The following ASIC2 variants were observed in gnomAD, a reference collection of about 807,000 sequenced individuals.
The protein encoded by ASIC2 is acid-sensing ion channel 2.
A neutral mutation model predicts 57.3 loss-of-function variants in ASIC2; 25 were observed. The observed-to-expected ratio is 0.44, with a 90% CI of 0.32 to 0.61. The LOEUF (loss-of-function observed/expected upper bound fraction) is 0.61, where lower values mean the gene tolerates loss of function less well. Among genes scored for constraint, ASIC2 ranks in the 20% least tolerant of loss-of-function variants. ASIC2 has a pLI of 0.06. For synonymous variants in ASIC2, 319 were observed against 307.5 expected (o/e 1.04, Z -0.39); for missense variants, 641 against 738.1 (o/e 0.87, Z 1.52).
intron 1 of ASIC2, among the ~76,000 whole-genome samples, chr17:33,445,579 C>A (rs1911983700): frequency 6.6e-6 from 1 of 151,624 alleles, no homozygotes; most frequent in South Asian, 2.1e-4. Flanking sequence ...AGGTGGATCC[C>A]CTGAGATCGG....
chr17:34,130,249 C>G (rs929847152), intron 1 of ASIC2, among the ~76,000 whole-genome samples: 2 of 100,666 alleles, frequency 2.0e-5, no homozygotes, highest in Non-Finnish European at 4.7e-5. Flanking sequence ...CAGCAAAGCT[C>G]CTTAAACCCT....
At chr17:33,429,393 CT>C (rs897871808) in intron 1 of ASIC2, among the ~76,000 whole-genome samples, 1 of 151,694 alleles carries the variant, frequency 6.6e-6, no homozygotes, top group African/African-American at 2.4e-5. Context: ...TTTGTTTTGT[CT>C]TTTTTTGTTT....
At chr17:33,368,499 G>A (rs1036299314) in intron 1 of ASIC2, among the ~76,000 whole-genome samples, 1 of 152,184 alleles carries the variant, frequency 6.6e-6, no homozygotes, top group Admixed American at 6.5e-5. Context: ...CCCAAAGAGG[G>A]CATGAGTTTA....
chr17:33,679,833 GA>G (rs202172641), intron 1 of ASIC2, among the ~76,000 whole-genome samples: 1 of 151,762 alleles, frequency 6.6e-6, no homozygotes, highest in East Asian at 1.9e-4. Flanking sequence ...GAAGGTCACG[GA>G]AAAAAAACAG....
intron 1 of ASIC2, among the ~76,000 whole-genome samples, chr17:33,171,420 C>T (rs1246410045): frequency 6.6e-6 from 1 of 152,216 alleles, no homozygotes; most frequent in Non-Finnish European, 1.5e-5. Context: ...AGCCATCACA[C>T]ATCCAGTTGC....
intron 1 of ASIC2, among the ~76,000 whole-genome samples, chr17:34,044,267 C>G (rs1279985892): frequency 6.6e-6 from 1 of 152,022 alleles, no homozygotes; most frequent in Non-Finnish European, 1.5e-5. Context: ...AATTGCTTAG[C>G]GTAATTATAT....
intron 1 of ASIC2, among the ~76,000 whole-genome samples, chr17:33,584,264 G>T (rs1057342359): frequency 6.6e-6 from 1 of 152,136 alleles, no homozygotes; most frequent in East Asian, 1.9e-4. Flanking sequence ...CATGGAGAGG[G>T]TGACATGTGT....
chr17:33,025,917 A>G lies in ASIC2; in HGVS notation c.1195+9T>C, dbSNP rs753445034. On this transcript the variant is annotated intron_variant, in intron 5 of 9. Coordinates refer to ENST00000225823, the MANE Select transcript of ASIC2 (RefSeq NM_183377.2). Reference sequence around the variant, plus strand: ...CCCCCATGATTCCATCTGTCCCCTGAGTACTGACCTAGGGCAGGCTCTGCA... The same window carrying G: ...CCCCCATGATTCCATCTGTCCCCTGGGTACTGACCTAGGGCAGGCTCTGCA... 1 of 1,608,584 alleles carries G rather than the reference A, an allele frequency of 6.2e-7. No individual in the cohort carries two copies. Among genetic ancestry groups the G allele is most frequent in the Non-Finnish European group, 8.5e-7 (1 of 1,177,762 alleles).
intron 1 of ASIC2, among the ~76,000 whole-genome samples, chr17:33,381,666 G>C (rs1318887512): frequency 3.3e-5 from 5 of 152,188 alleles, no homozygotes; most frequent in Non-Finnish European, 2.9e-5. Context: ...AAAAAGTATA[G>C]AAAGAGCTGC....
intron 1 of ASIC2, among the ~76,000 whole-genome samples, chr17:33,841,891 G>C (rs1037631237): frequency 1.3e-5 from 2 of 152,206 alleles, no homozygotes; most frequent in Non-Finnish European, 2.9e-5. Context: ...ATACACAGGA[G>C]AGAGTCCAGT....
intron 1 of ASIC2, among the ~76,000 whole-genome samples, chr17:33,659,915 TAAAA>T (rs1374883677): frequency 3.2e-5 from 4 of 123,588 alleles, no homozygotes; most frequent in African/African-American, 1.3e-4. Context: ...AATAAATAAA[TAAAA>T]TAAAAATAAA....
chr17:33,985,698 C>A (rs1905794313), intron 1 of ASIC2, among the ~76,000 whole-genome samples: 1 of 152,180 alleles, frequency 6.6e-6, no homozygotes, highest in Non-Finnish European at 1.5e-5. Context: ...TTGGGAGGAC[C>A]TGGGTTAAGT....
chr17:33,267,187 T>G (rs989004109), intron 1 of ASIC2, among the ~76,000 whole-genome samples: 73 of 152,026 alleles, frequency 4.8e-4, no homozygotes, highest in Non-Finnish European at 1.0e-4. Context: ...CTCACACACA[T>G]GCCCACATAA....
chr17:33,109,471 A>C (rs998313103), intron 2 of ASIC2, among the ~76,000 whole-genome samples: 9 of 151,820 alleles, frequency 5.9e-5, no homozygotes, highest in African/African-American at 2.2e-4. Context: ...TGCTTCCCCA[A>C]CTCCCCAGTC....
At chr17:33,851,761 A>G (rs990063869) in intron 1 of ASIC2, among the ~76,000 whole-genome samples, 5 of 152,192 alleles carry the variant, frequency 3.3e-5, no homozygotes, top group Admixed American at 3.3e-4. Context: ...ATGTTGCCAT[A>G]TGTCAGTGTG....
intron 1 of ASIC2, among the ~76,000 whole-genome samples, chr17:33,958,578 G>A (rs1904817049): frequency 6.6e-6 from 1 of 152,098 alleles, no homozygotes; most frequent in Admixed American, 6.5e-5. Flanking sequence ...TTTAACCATG[G>A]CTGGAGCTGA....
chr17:33,658,030 C>A (rs3103664), intron 1 of ASIC2, among the ~76,000 whole-genome samples: 496 of 152,260 alleles, frequency 3.3e-3, no homozygotes, highest in South Asian at 7.3e-3. Context: ...GAGAAGCAAA[C>A]CATGACAAAG....
chr17:33,230,602 C>T (rs757175729), intron 1 of ASIC2, among the ~76,000 whole-genome samples: 4 of 152,108 alleles, frequency 2.6e-5, no homozygotes, highest in Non-Finnish European at 5.9e-5. Flanking sequence ...CTCCATAAGC[C>T]TCTGTTTTCC....
intron 1 of ASIC2, chr17:34,069,920 T>A (rs1217099931): frequency 6.6e-6 from 1 of 152,076 alleles, no homozygotes; most frequent in East Asian, 1.9e-4. Context: ...TCAGGTAAAA[T>A]TATTTAATCT....
Sources: allele counts gnomAD v4.1 joint callset (sites outside exome capture counted in the v4.1 genomes callset), GRCh38; gene constraint gnomAD v4.1.1; transcripts MANE v1.5; gene names NCBI Gene and HGNC (gene_info 2026-07-23, HGNC 2026-07-21).